Variants in RIMS1 observed in about 807,000 individuals in gnomAD.
The protein encoded by RIMS1 is regulating synaptic membrane exocytosis 1.
Under a neutral mutation model 214.1 loss-of-function variants are expected in RIMS1, and 83 were observed. The ratio of observed to expected loss-of-function variants is 0.39; its 90% CI spans 0.32 to 0.47. RIMS1 has a LOEUF of 0.47. Ranked by LOEUF, RIMS1 falls within the 20% of genes least tolerant of loss-of-function variation. The pLI is 0.99. For synonymous variants in RIMS1, 793 were observed against 786.8 expected, an observed-to-expected ratio of 1.01 and a Z score of -0.13; for missense variants, 2,050 against 2,161.8, an observed-to-expected ratio of 0.95 and a Z score of 1.03.
intron 17 of RIMS1, 50 bp downstream of exon 17, chr6:72,258,331 A>T (rs760844587): frequency 1.3e-6 from 2 of 1,492,794 alleles, no homozygotes; most frequent in Non-Finnish European, 1.8e-6. Flanking sequence ...TTTTATTATA[A>T]TGCAGTGTAA....
chr6:72,063,394 C>G (rs959017365), intron 2 of RIMS1, among the ~76,000 whole-genome samples: 2 of 152,146 alleles, frequency 1.3e-5, no homozygotes. Context: ...ACAGCATCTG[C>G]GACAATACCT....
chr6:72,313,718 T>C, intron 28 of RIMS1, 46 bp downstream of exon 28: 1 of 1,530,446 alleles, frequency 6.5e-7, no homozygotes, highest in African/African-American at 1.4e-5. Flanking sequence ...TTATCTGTGA[T>C]ATAAAAATAC....
At position 72,313,589 on chromosome 6, in the gene RIMS1, C is replaced by T; in HGVS notation, c.4047C>T (p.Ala1349=). 6.2e-7 allele frequency: 1 copy of T among 1,613,760 alleles called. No homozygotes were observed. The highest frequency in any genetic ancestry group is 1.7e-5 in the Admixed American group (1 of 59,990). The change falls in exon 28 of 34, where the codon GCC becomes GCT. Residue 1349 remains alanine, a synonymous_variant. Transcript: ENST00000521978. ...ATAGTGATGTCAGTGATGTTTCCGC[C>T]ATTTCCCGAACCAGCAGTGCCTCAC... ...SSDSDVSDVS[A]ISRTSSASRL... is the part of the protein sequence containing the mutation.
In RIMS1 at chr6:72,252,557, G is replaced by A. The variant is rs114851020; in HGVS notation, c.2699-204G>A. ...GTCCCCTTGTTTCTATATGTCTTTG[G>A]TGTAATGAGGAAAAAAATACTGATA... On this transcript the variant is annotated intron_variant, in intron 15 of 33. Coordinates refer to ENST00000521978, the MANE Select transcript of RIMS1 (RefSeq NM_014989.7). Among the ~76,000 whole-genome samples the A allele has an allele frequency of 2.2e-3, 336 of 152,158 alleles. 1 individual carries two copies. The highest frequency in any genetic ancestry group is 7.8e-3 in the African/African-American group (322 of 41,516).
chr6:72,090,097 C>A (rs1373708625), intron 2 of RIMS1, among the ~76,000 whole-genome samples: 1 of 151,546 alleles, frequency 6.6e-6, no homozygotes, highest in Non-Finnish European at 1.5e-5. Context: ...GTGCAGCGCA[C>A]CAGCATGGCA....
chr6:72,206,036 A>G (rs1200855585), intron 6 of RIMS1, among the ~76,000 whole-genome samples: 2 of 152,140 alleles, frequency 1.3e-5, no homozygotes, highest in African/African-American at 2.4e-5. Context: ...GAATATACTT[A>G]TATTTTTTTC....
intron 1 of RIMS1, among the ~76,000 whole-genome samples, chr6:71,968,176 A>C (rs770916736): frequency 6.6e-6 from 1 of 152,204 alleles, no homozygotes; most frequent in Non-Finnish European, 1.5e-5. Context: ...AGAAGAAGGA[A>C]TATCTGGGCC....
intron 24 of RIMS1, among the ~76,000 whole-genome samples, chr6:72,288,311 T>C (rs1299785164): frequency 6.6e-6 from 1 of 152,240 alleles, no homozygotes; most frequent in Non-Finnish European, 1.5e-5. Flanking sequence ...TACATATGTA[T>C]ATACTTGTAT....
intron 4 of RIMS1, among the ~76,000 whole-genome samples, chr6:72,106,627 G>A (rs1051758794): frequency 1.3e-5 from 2 of 152,080 alleles, no homozygotes; most frequent in African/African-American, 4.8e-5. Flanking sequence ...GATTTTTCTT[G>A]TTTTGTTTGT....
intron 1 of RIMS1, among the ~76,000 whole-genome samples, chr6:71,900,617 A>C (rs1299319860): frequency 6.6e-6 from 1 of 152,086 alleles, no homozygotes; most frequent in Non-Finnish European, 1.5e-5. Flanking sequence ...GGAAGCAAAA[A>C]CCACAACTGT....
At chr6:72,111,568 A>C (rs1240342388) in intron 4 of RIMS1, among the ~76,000 whole-genome samples, 1 of 152,136 alleles carries the variant, frequency 6.6e-6, no homozygotes, top group Non-Finnish European at 1.5e-5. Flanking sequence ...GTAAAGTTCC[A>C]CTTTTTCAAG....
At chr6:71,972,203 C>A (rs977604047) in intron 2 of RIMS1, among the ~76,000 whole-genome samples, 8 of 152,104 alleles carry the variant, frequency 5.3e-5, no homozygotes, top group African/African-American at 1.9e-4. Context: ...TTAAATGCAG[C>A]AGAAAATCAA....
At chr6:72,184,952 G>C (rs539273989) in intron 6 of RIMS1, among the ~76,000 whole-genome samples, 7 of 152,250 alleles carry the variant, frequency 4.6e-5, no homozygotes, top group Non-Finnish European at 1.0e-4. Flanking sequence ...CCAGCCTTTT[G>C]GTTGTACAAG....
Position 72,296,882 on chromosome 6 carries a change from A to C in RIMS1, c.3850+4836A>C, listed in dbSNP as rs532959262. ...ACATTTGCCCAAACTGCTTGTCAGT[A>C]GTAGACTACAAACCCAGATCTTTTT... is the stretch of plus-strand genomic sequence containing the variant. On this transcript the variant is annotated intron_variant, in intron 26 of 33. Coordinates refer to ENST00000521978, the MANE Select transcript of RIMS1 (RefSeq NM_014989.7). Among the ~76,000 whole-genome samples the C allele has an allele frequency of 4.1e-3, 623 of 152,008 alleles. 5 individuals carry two copies. Among genetic ancestry groups the C allele is most frequent in the African/African-American group, 0.015 (603 of 41,516 alleles).
intron 29 of RIMS1, among the ~76,000 whole-genome samples, chr6:72,379,293 T>C (rs1423191173): frequency 6.6e-6 from 1 of 152,226 alleles, no homozygotes; most frequent in African/African-American, 2.4e-5. Context: ...CTTCGCCAGC[T>C]TCATCAAATT....
chr6:72,292,136 G>C (rs1402123151), intron 26 of RIMS1, 90 bp downstream of exon 26: 1 of 801,580 alleles, frequency 1.2e-6, no homozygotes, highest in Non-Finnish European at 1.9e-6. Flanking sequence ...ATAGTATTTT[G>C]ATTATATGTA....
At chr6:72,236,170 A>G (rs934616701) in intron 8 of RIMS1, among the ~76,000 whole-genome samples, 7 of 152,174 alleles carry the variant, frequency 4.6e-5, no homozygotes, top group African/African-American at 1.4e-4. Context: ...TTGTGGATGA[A>G]TCTCAACTTT....
chr6:72,077,893 G>A (rs866232211), intron 2 of RIMS1, among the ~76,000 whole-genome samples: 2 of 152,108 alleles, frequency 1.3e-5, no homozygotes, highest in South Asian at 2.1e-4. Flanking sequence ...GACATTCGAC[G>A]AAACCCTTTT....
intron 16 of RIMS1, among the ~76,000 whole-genome samples, chr6:72,255,039 G>T (rs1275057899): frequency 6.6e-6 from 1 of 152,016 alleles, no homozygotes. Context: ...AATTAAAGGA[G>T]AGCATGTAAT....
Sources: gnomAD v4.1 joint callset for allele counts (sites outside exome capture counted in the v4.1 genomes callset) on GRCh38, gnomAD v4.1.1 for gene constraint, MANE v1.5 for transcripts, NCBI Gene and HGNC (gene_info 2026-07-23, HGNC 2026-07-21) for gene names.